SNAP91: variants seen among roughly 807,000 people sequenced by gnomAD.
SNAP91 encodes clathrin coat assembly protein AP180.
SNAP91 carries 27 observed loss-of-function variants against 100.3 expected under a neutral mutation model. The observed-to-expected ratio is 0.27, with a 90% CI of 0.20 to 0.37. The LOEUF (loss-of-function observed/expected upper bound fraction) is 0.37, where lower values mean the gene tolerates loss of function less well. SNAP91 is among the 10% of genes least tolerant of loss of function. SNAP91 has a pLI of 1.00. For missense variants in SNAP91, 986 were observed against 1,123.7 expected (o/e 0.88, Z 1.75); for synonymous variants, 404 against 398.6 (o/e 1.01, Z -0.16).
intron 16 of SNAP91, among the ~76,000 whole-genome samples, chr6:83,600,586 T>C (rs901231232): frequency 3.9e-5 from 6 of 152,160 alleles, no homozygotes; most frequent in African/African-American, 1.4e-4. Context: ...GGTCCAGGCA[T>C]ATTATAGTGG....
At chr6:83,577,092 A>G (rs1820094839) in intron 24 of SNAP91, among the ~76,000 whole-genome samples, 1 of 152,154 alleles carries the variant, frequency 6.6e-6, no homozygotes, top group African/African-American at 2.4e-5. Context: ...GGTAGGATAA[A>G]CATGGGGCCA....
chr6:83,627,792 A>G (rs2097010248), intron 8 of SNAP91, among the ~76,000 whole-genome samples: 1 of 151,834 alleles, frequency 6.6e-6, no homozygotes, highest in Non-Finnish European at 1.5e-5. Context: ...CCTTTCGAAG[A>G]ACCAATTTTT....
intron 16 of SNAP91, among the ~76,000 whole-genome samples, chr6:83,595,469 G>A (rs1344547273): frequency 1.3e-5 from 2 of 152,110 alleles, no homozygotes; most frequent in Admixed American, 1.3e-4. Flanking sequence ...GCTTCCCAGT[G>A]TGTTTCTACC....
rs144526913 is a variant in SNAP91, at chr6:83,629,130, C to G, written c.766-5788G>C. Among the ~76,000 whole-genome samples, 759 of 152,112 alleles carry G rather than the reference C, an allele frequency of 5.0e-3. 10 individuals are homozygous for G. Among genetic ancestry groups the G allele is most frequent in the African/African-American group, 0.017 (720 of 41,532 alleles). On this transcript the variant is annotated intron_variant, in intron 8 of 29. Transcript: ENST00000369694. The stretch of plus-strand genomic sequence containing the variant: ...ATTTATTGAAAAGGTTGTCCTTCCC[C>G]CACTTTGTTTTTGTTGGCTTTGTTG...
At chr6:83,574,052 A>G (rs1319076264) in intron 26 of SNAP91, among the ~76,000 whole-genome samples, 1 of 152,216 alleles carries the variant, frequency 6.6e-6, no homozygotes, top group East Asian at 1.9e-4. Flanking sequence ...ATTAGAATTT[A>G]TATTAATTTA....
In SNAP91 at chr6:83,631,498, G is replaced by A. The variant is rs183767959; in HGVS notation, c.766-8156C>T. Among the ~76,000 whole-genome samples the A allele has an allele frequency of 3.9e-5, 6 of 152,072 alleles. No individual in the cohort carries two copies. In the East Asian group the frequency reaches 5.8e-4, roughly 15 times the overall value. On this transcript the variant is annotated intron_variant, in intron 8 of 29. Coordinates refer to ENST00000369694, the MANE Select transcript of SNAP91 (RefSeq NM_001242792.2). Reference sequence around the variant, plus strand: ...TCATTTCTTAGGTCTATTAGTAATCGTTTTTACAAACTTGGGAGCTCCAGT... The same window carrying A: ...TCATTTCTTAGGTCTATTAGTAATCATTTTTACAAACTTGGGAGCTCCAGT...
At chr6:83,621,646 A>C (rs2096733852) in intron 9 of SNAP91, among the ~76,000 whole-genome samples, 1 of 152,188 alleles carries the variant, frequency 6.6e-6, no homozygotes, top group Non-Finnish European at 1.5e-5. Flanking sequence ...ATGTACTTTC[A>C]ATGACATGCT....
At chr6:83,655,701 G>A (rs1395146710) in intron 7 of SNAP91, among the ~76,000 whole-genome samples, 3 of 152,204 alleles carry the variant, frequency 2.0e-5, no homozygotes, top group Admixed American at 2.0e-4. Context: ...AGTTGAACAA[G>A]TGCAATCATA....
intron 2 of SNAP91, among the ~76,000 whole-genome samples, chr6:83,695,892 TA>T (rs886324854): frequency 4.4e-5 from 6 of 137,646 alleles, no homozygotes; most frequent in African/African-American, 1.3e-4. Flanking sequence ...AAAATATAAC[TA>T]AAAATTAAGC....
Position 83,605,821 on chromosome 6 carries a change from C to T in SNAP91, c.1023-18G>A, listed in dbSNP as rs2095574255. The stretch of plus-strand genomic sequence containing the variant: ...TAGAAGTGCTGAAAGGAAAATAAAA[C>T]ATTAAAATCAGATTTTGAAATTTTA... On this transcript the variant is annotated intron_variant, in intron 13 of 29. Coordinates refer to ENST00000369694, the MANE Select transcript of SNAP91 (RefSeq NM_001242792.2). 6.6e-7 allele frequency: 1 copy of T among 1,508,944 alleles called. No individual in the cohort carries two copies. Among genetic ancestry groups the T allele is most frequent in the Non-Finnish European group, 8.9e-7 (1 of 1,125,018 alleles). 93.5% of individuals were successfully genotyped at this position (1,508,944 alleles called of 1,614,324 possible).
At chr6:83,581,479 T>G (rs1204621352) in intron 23 of SNAP91, among the ~76,000 whole-genome samples, 3 of 152,358 alleles carry the variant, frequency 2.0e-5, no homozygotes, top group Middle Eastern at 3.4e-3. Flanking sequence ...TTGCATAAGA[T>G]GTTGCTAATA....
Position 83,553,938 on chromosome 6 carries a change from C to T in SNAP91, c.*358G>A, listed in dbSNP as rs1774062997. ...TTCAAAAGTTATATGTACATTGAAA[C>T]CTTCAAAAACACAGACGTCTTTCCA... On this transcript the variant is annotated 3_prime_UTR_variant, in exon 30 of 30. Transcript: ENST00000369694. 1 of 152,336 alleles carries T rather than the reference C, an allele frequency of 6.6e-6. No individual in the cohort carries two copies. The highest frequency in any genetic ancestry group is 1.5e-5 in the Non-Finnish European group (1 of 68,110). The allele number at this position is 152,336 out of a possible 1,614,324, so 9.4% of individuals were successfully genotyped here. A position where few individuals can be genotyped will look rare whatever the true frequency, so the allele number is the denominator to read the frequency against.
At chr6:83,617,609 T>C (rs1341128820) in intron 9 of SNAP91, among the ~76,000 whole-genome samples, 1 of 151,328 alleles carries the variant, frequency 6.6e-6, no homozygotes, top group Non-Finnish European at 1.5e-5. Flanking sequence ...TAAAAATATA[T>C]TTATATGTAT....
At chr6:83,659,159 G>A (rs1461624792) in intron 5 of SNAP91, 67 bp from the exon 6 acceptor site, 3 of 1,176,718 alleles carry the variant, frequency 2.5e-6, no homozygotes, top group East Asian at 2.6e-5. Flanking sequence ...CATATGAATT[G>A]TTCTAAGCTG....
intron 16 of SNAP91, among the ~76,000 whole-genome samples, chr6:83,597,581 C>T (rs912536989): frequency 1.3e-5 from 2 of 152,172 alleles, no homozygotes; most frequent in Non-Finnish European, 2.9e-5. Context: ...AATCCATAAA[C>T]TGAGCTGACT....
At chr6:83,559,895 T>C (rs983940414) in intron 28 of SNAP91, among the ~76,000 whole-genome samples, 1 of 152,208 alleles carries the variant, frequency 6.6e-6, no homozygotes, top group Admixed American at 6.5e-5. Context: ...AGGAAGAGAA[T>C]GGAGGGATCT....
At chr6:83,582,122 T>C in intron 23 of SNAP91, 100 bp downstream of exon 23, 1 of 1,298,824 alleles carries the variant, frequency 7.7e-7, no homozygotes, top group Non-Finnish European at 1.0e-6. Context: ...TCACTCAATA[T>C]TTGCTTGTTG....
intron 8 of SNAP91, among the ~76,000 whole-genome samples, chr6:83,637,490 C>T (rs2097508760): frequency 6.6e-6 from 1 of 152,212 alleles, no homozygotes; most frequent in Non-Finnish European, 1.5e-5. Flanking sequence ...GGTTTCCAGC[C>T]TGGCAGACAG....
intron 23 of SNAP91, among the ~76,000 whole-genome samples, chr6:83,581,015 A>G (rs925079478): frequency 2.6e-5 from 4 of 152,214 alleles, no homozygotes; most frequent in Admixed American, 2.0e-4. Context: ...GTTTATTATA[A>G]TGCTTGCTTT....
Sources: gnomAD v4.1 joint callset for allele counts (sites outside exome capture counted in the v4.1 genomes callset) on GRCh38, gnomAD v4.1.1 for gene constraint, MANE v1.5 for transcripts, NCBI Gene and HGNC (gene_info 2026-07-23, HGNC 2026-07-21) for gene names.